The following SVIL variants were observed in gnomAD, a reference collection of about 807,000 sequenced individuals.
The protein encoded by SVIL is archvillin.
In SVIL, 101 loss-of-function variants were observed where a neutral mutation model predicts 240.4. The observed-to-expected ratio is 0.42, with a 90% confidence interval of 0.36 to 0.50. The LOEUF (loss-of-function observed/expected upper bound fraction) is 0.50. Ranked by LOEUF, SVIL falls within the 20% of genes least tolerant of loss-of-function variation. The pLI is 0.01. For synonymous variants in SVIL, 999 were observed against 1,100.0 expected, an observed-to-expected ratio of 0.91 and a Z score of 1.82; for missense variants, 2,512 against 2,818.7, an observed-to-expected ratio of 0.89 and a Z score of 2.46.
upstream of SVIL, among the ~76,000 whole-genome samples, chr10:29,636,340 T>C (rs1958310068): frequency 6.6e-6 from 1 of 152,196 alleles, no homozygotes; most frequent in South Asian, 2.1e-4. Flanking sequence ...CAGTTCACTA[T>C]TTGGGTCTTC....
chr10:29,461,667 C>A (rs1205505669), intron 36 of SVIL, among the ~76,000 whole-genome samples: 1 of 152,140 alleles, frequency 6.6e-6, no homozygotes, highest in Admixed American at 6.5e-5. Context: ...TAATAAAATT[C>A]TTTCCTGTGT....
chr10:29,715,604 T>C (rs1271869373), intron 1 of SVIL, among the ~76,000 whole-genome samples: 1 of 152,196 alleles, frequency 6.6e-6, no homozygotes, highest in Admixed American at 6.5e-5. Flanking sequence ...CCACAGACTG[T>C]CCCTGGAGTC....
Position 29,458,573 on chromosome 10 carries a change from T to C in SVIL, c.6419A>G (p.Asn2140Ser), listed in dbSNP as rs752963821. The change falls in exon 37 of 38, where the codon AAT becomes AGT. Residue 2140 changes from asparagine (N) to serine (S), a missense_variant. Coordinates refer to ENST00000355867, the MANE Select transcript of SVIL (RefSeq NM_021738.3). Reference sequence around the variant, plus strand: ...GACGTCTTCCACGAGGGTGATCTGATTGGAAACTTCCGTGTCCTAGAGAAG... The same window carrying C: ...GACGTCTTCCACGAGGGTGATCTGACTGGAAACTTCCGTGTCCTAGAGAAG... ...EITEMDTEVS[N>S]QITLVEDVLA... The C allele has an allele frequency of 5.6e-6, 9 of 1,612,548 alleles. No individual in the cohort carries two copies. Among genetic ancestry groups the C allele is most frequent in the Non-Finnish European group, 5.9e-6 (7 of 1,179,554 alleles).
intron 1 of SVIL, among the ~76,000 whole-genome samples, chr10:29,575,649 T>C (rs992969477): frequency 6.6e-6 from 1 of 152,140 alleles, no homozygotes; most frequent in African/African-American, 2.4e-5. Context: ...GCTATTCTAT[T>C]GAGTGGAAGT....
chr10:29,528,122 T>C (rs1440314118), intron 12 of SVIL, among the ~76,000 whole-genome samples: 1 of 152,218 alleles, frequency 6.6e-6, no homozygotes, highest in African/African-American at 2.4e-5. Context: ...TAATTTTTCT[T>C]ATATTTACTG....
chr10:29,686,387 A>G (rs777186234), intron 2 of SVIL, among the ~76,000 whole-genome samples: 2 of 152,220 alleles, frequency 1.3e-5, no homozygotes, highest in Admixed American at 6.5e-5. Context: ...TAAGAAGAAC[A>G]TTTTAAGTTT....
chr10:29,556,837 ATT>A (rs1953978316), intron 3 of SVIL, among the ~76,000 whole-genome samples: 4 of 152,320 alleles, frequency 2.6e-5, no homozygotes, highest in Middle Eastern at 3.4e-3. Context: ...GGTAGGACAT[ATT>A]TTGAAAATAT....
At chr10:29,485,261 G>C (rs1306852696) in intron 26 of SVIL, among the ~76,000 whole-genome samples, 1 of 151,646 alleles carries the variant, frequency 6.6e-6, no homozygotes, top group Non-Finnish European at 1.5e-5. Flanking sequence ...CTTCTCTCCA[G>C]TACACAATTC....
At chr10:29,705,755 G>T (rs1352586997) in intron 1 of SVIL, among the ~76,000 whole-genome samples, 1 of 152,088 alleles carries the variant, frequency 6.6e-6, no homozygotes, top group Non-Finnish European at 1.5e-5. Flanking sequence ...TTCTGTTCCT[G>T]CATAAGTTTG....
At chr10:29,645,349 C>A (rs1958620989) in intron 3 of SVIL, among the ~76,000 whole-genome samples, 1 of 152,094 alleles carries the variant, frequency 6.6e-6, no homozygotes, top group South Asian at 2.1e-4. Flanking sequence ...GCGAGAGGAT[C>A]ACTTGAGGTC....
intron 17 of SVIL, among the ~76,000 whole-genome samples, chr10:29,500,755 A>T (rs1352040287): frequency 2.0e-5 from 3 of 152,164 alleles, no homozygotes; most frequent in African/African-American, 7.2e-5. Flanking sequence ...GCGCTGACAC[A>T]GGGAAGGACT....
chr10:29,522,701 C>T, intron 15 of SVIL, 66 bp from the exon 16 acceptor site: 1 of 1,525,646 alleles, frequency 6.6e-7, no homozygotes. Flanking sequence ...GCGATTCGCC[C>T]TCAACAGTGC....
chr10:29,644,649 C>T (rs930245631), intron 3 of SVIL, among the ~76,000 whole-genome samples: 6 of 151,970 alleles, frequency 3.9e-5, no homozygotes, highest in Non-Finnish European at 8.8e-5. Context: ...CCAGCCTGGG[C>T]GGCAGAGCAA....
At position 29,458,538 on chromosome 10, in the gene SVIL, G is replaced by T. The variant is rs761845883; in HGVS notation, c.6454C>A (p.Leu2152Ile). Residue 2152 changes from leucine to isoleucine, a missense_variant, in exon 37 of 38, where the codon CTC becomes ATC. Leu to Ile is a conservative substitution (Grantham distance 5, BLOSUM62 2). Around this residue, in one of 3 missense-constraint regions of SVIL, gnomAD observed 797 missense variants for 925.3 expected, o/e 0.86. Transcript: ENST00000355867. ...ITLVEDVLAK[L>I]CKTIYPLADL... ...GCCAGCGGGTAAATGGTTTTACAGAGCTTGGCTAAGACGTCTTCCACGAGG... is the reference window on the plus strand; with the variant it reads ...GCCAGCGGGTAAATGGTTTTACAGATCTTGGCTAAGACGTCTTCCACGAGG... 3.7e-6 allele frequency: 6 copies of T among 1,610,716 alleles called. 1 individual carries two copies. The South Asian group carries it at 6.6e-5, about 18-fold the overall frequency.
At chr10:29,730,506 G>A (rs1390344880) in intron 1 of SVIL, among the ~76,000 whole-genome samples, 1 of 152,166 alleles carries the variant, frequency 6.6e-6, no homozygotes, top group Non-Finnish European at 1.5e-5. Context: ...CCAGCCCTAA[G>A]AACCCAACGG....
intron 34 of SVIL, 110 bp from the exon 35 acceptor site, chr10:29,463,745 G>C (rs11007600): frequency 4.1e-6 from 6 of 1,456,490 alleles, no homozygotes; most frequent in Non-Finnish European, 5.5e-6. Context: ...CAGTGTCACA[G>C]GGGGAAACCC....
Position 29,682,379 on chromosome 10 carries a change from G to A in SVIL, c.-301+4174C>T, listed in dbSNP as rs567423519. ...AAGAAGCTTTCAGTTTAGCCAGAGA[G>A]ACACATTTGTTATCTCATTAAGTAA... is the stretch of plus-strand genomic sequence containing the variant. On this transcript the variant is annotated intron_variant, in intron 2 of 35. Coordinates refer to the SVIL transcript ENST00000375400. Among the ~76,000 whole-genome samples, 5 of 152,274 alleles carry A rather than the reference G, an allele frequency of 3.3e-5. No homozygotes were observed. The South Asian group carries it at 1.0e-3, about 32-fold the overall frequency.
intron 17 of SVIL, among the ~76,000 whole-genome samples, chr10:29,507,150 C>T (rs1003866461): frequency 6.6e-6 from 1 of 152,038 alleles, no homozygotes; most frequent in African/African-American, 2.4e-5. Flanking sequence ...ACCAGCTCCT[C>T]CTGGTTCTTT....
intron 1 of SVIL, among the ~76,000 whole-genome samples, chr10:29,620,968 A>T (rs774229549): frequency 0.016 from 2,259 of 140,700 alleles, 39 homozygotes; most frequent in African/African-American, 0.041. Context: ...TATTCTTAAA[A>T]TTTTTTTTTT....
Sources: allele counts gnomAD v4.1 joint callset (sites outside exome capture counted in the v4.1 genomes callset), GRCh38; gene constraint gnomAD v4.1.1; regional missense constraint gnomAD v4.1.1; transcripts MANE v1.5; gene names NCBI Gene and HGNC (gene_info 2026-07-23, HGNC 2026-07-21).